Variants in SCLY observed in about 807,000 individuals in gnomAD.
SCLY encodes the protein putative selenocysteine lyase.
Under a neutral mutation model 50.1 loss-of-function variants are expected in SCLY, and 38 were observed. The ratio of observed to expected loss-of-function variants is 0.76; its 90% CI spans 0.59 to 0.99. The LOEUF (loss-of-function observed/expected upper bound fraction) is 0.99, where lower values mean the gene tolerates loss of function less well. Among genes scored for constraint, SCLY ranks in the 50% least tolerant of loss-of-function variants. The pLI, the probability that SCLY is intolerant of heterozygous loss-of-function variation, is 0.00. For missense variants in SCLY, 600 were observed against 620.0 expected (o/e 0.97, Z 0.34); for synonymous variants, 243 against 249.4 (o/e 0.97, Z 0.24).
Position 238,083,429 on chromosome 2 carries a change from A to C in SCLY, c.884+75A>C. On this transcript the variant is annotated intron_variant, in intron 7 of 11. Coordinates refer to ENST00000254663, the MANE Select transcript of SCLY (RefSeq NM_016510.7). The surrounding 1 kb of genome is among the most constrained non-coding windows in gnomAD (Gnocchi z 4.3). ...TAGAGCAGTGACATTGTAAAGAAAC[A>C]TGGCGCTGTTTCTTGGTCTCGTGGA... 1 of 1,126,500 alleles carries C rather than the reference A, an allele frequency of 8.9e-7. No homozygotes were observed. Among genetic ancestry groups the C allele is most frequent in the African/African-American group, 1.5e-5 (1 of 65,140 alleles). 69.8% of individuals were successfully genotyped at this position (1,126,500 alleles called of 1,614,324 possible).
Position 238,064,337 on chromosome 2 carries a change from C to G in SCLY, c.90-20C>G, listed in dbSNP as rs1182807961. 3.9e-6 allele frequency: 6 copies of G among 1,530,760 alleles called. No individual in the cohort carries two copies. The highest frequency in any genetic ancestry group is 5.3e-6 in the Non-Finnish European group (6 of 1,121,590). 94.8% of individuals were successfully genotyped at this position (1,530,760 alleles called of 1,614,324 possible). On this transcript the variant is annotated intron_variant, in intron 1 of 11. Coordinates refer to ENST00000254663, the MANE Select transcript of SCLY (RefSeq NM_016510.7). Reference sequence around the variant, plus strand: ...CCATCTCCTTTTCCTTAATGGGTGTCTTTGCTTTCTTTCCTTCAGGAAAGT... The same window carrying G: ...CCATCTCCTTTTCCTTAATGGGTGTGTTTGCTTTCTTTCCTTCAGGAAAGT...
chr2:238,085,013 A>G (rs2065278838), intron 7 of SCLY, among the ~76,000 whole-genome samples: 1 of 152,144 alleles, frequency 6.6e-6, no homozygotes, highest in Admixed American at 6.6e-5. Context: ...AGATTGAATA[A>G]GATCCAGGTT....
At chr2:238,064,234 T>C in intron 1 of SCLY, 123 bp from the exon 2 acceptor site, 1 of 528,364 alleles carries the variant, frequency 1.9e-6, no homozygotes, top group South Asian at 2.8e-5. Flanking sequence ...GCAGTGCTTA[T>C]GCAGAGGATC....
Position 238,093,929 on chromosome 2 carries a change from G to A in SCLY, c.990G>A (p.Leu330=), listed in dbSNP as rs2106455598. ...EAHMRDVRDY[L]EERLEAEFGQ... ...ACATGAGGGACGTCCGCGACTACCT[G>A]GAAGAGAGGCTGGAAGTGAGCGCAG... Residue 330 remains leucine, a synonymous_variant, in exon 9 of 12, where the codon CTG becomes CTA. Coordinates refer to ENST00000254663, the MANE Select transcript of SCLY (RefSeq NM_016510.7). The A allele has an allele frequency of 6.2e-7, 1 of 1,613,826 alleles. No homozygotes were observed.
chr2:238,065,364 G>A (rs995470257), intron 2 of SCLY, among the ~76,000 whole-genome samples: 5 of 152,126 alleles, frequency 3.3e-5, no homozygotes, highest in East Asian at 1.9e-4. Flanking sequence ...AATTTCTGAC[G>A]TATTAGACTT....
chr2:238,094,871 A>C (rs2065409928), intron 10 of SCLY: 1 of 244,458 alleles, frequency 4.1e-6, no homozygotes, highest in Non-Finnish European at 7.8e-6. Flanking sequence ...GTTTTAATTA[A>C]ATATTTGAGT....
Position 238,098,409 on chromosome 2 carries a change from G to A in SCLY, c.*54G>A. 1 of 1,520,252 alleles carries A rather than the reference G, an allele frequency of 6.6e-7. No homozygotes were observed. Among genetic ancestry groups the A allele is most frequent in the African/African-American group, 1.4e-5 (1 of 73,514 alleles). The allele number at this position is 1,520,252 out of a possible 1,614,324, so 94.2% of individuals were successfully genotyped here. ...CTGGGAAGCCCGTGGCAGGGCACAG[G>A]GTTGTCCCTCCAGTTCCCTCCTGAG... On this transcript the variant is annotated 3_prime_UTR_variant, in exon 12 of 12. Coordinates refer to ENST00000254663, the MANE Select transcript of SCLY (RefSeq NM_016510.7).
chr2:238,091,516 A>C, intron 8 of SCLY: 1 of 492,862 alleles, frequency 2.0e-6, no homozygotes, highest in African/African-American at 1.9e-5. Context: ...TGATACTGTT[A>C]CAGCAGAGGT....
chr2:238,085,905 T>A (rs1450731857), intron 7 of SCLY, among the ~76,000 whole-genome samples: 2 of 151,840 alleles, frequency 1.3e-5, no homozygotes, highest in Admixed American at 1.3e-4. Context: ...ACATACAGAA[T>A]CAAGAAACTG....
chr2:238,089,213 TTA>T, intron 7 of SCLY, among the ~76,000 whole-genome samples: 1 of 152,262 alleles, frequency 6.6e-6, no homozygotes. Flanking sequence ...TATAAAGGAC[TTA>T]TATGCTGAAA....
In SCLY at chr2:238,096,768, C is replaced by A. The variant is rs376593088; in HGVS notation, c.1109-33C>A. ...GACAGAAGGGCAACCTGGCTGGAGC[C>A]CCATCTCAGGGGCATGTGCTCTGTC... On this transcript the variant is annotated intron_variant, in intron 10 of 11. Coordinates refer to ENST00000254663, the MANE Select transcript of SCLY (RefSeq NM_016510.7). 1.2e-5 allele frequency: 19 copies of A among 1,589,472 alleles called. No homozygotes were observed. In the African/African-American group the frequency reaches 2.0e-4, roughly 17 times the overall value.
At chr2:238,090,548 G>T (rs1264325953) in intron 7 of SCLY, among the ~76,000 whole-genome samples, 1 of 152,182 alleles carries the variant, frequency 6.6e-6, no homozygotes, top group East Asian at 1.9e-4. Context: ...GCTGAGGCAG[G>T]AGAATCACTT....
Position 238,098,663 on chromosome 2 carries a change from A to AACGCCCACATGGGAACGCCCACATGGG in SCLY, c.*310_*311insGCCCACATGGGAACGCCCACATGGGAC, listed in dbSNP as rs1691356999. 4.3e-5 allele frequency: 5 copies of AACGCCCACATGGGAACGCCCACATGGG among 115,482 alleles called. No individual in the cohort carries two copies. The highest frequency in any genetic ancestry group is 2.7e-4 in the African/African-American group (4 of 14,748). The allele number at this position is 115,482 out of a possible 1,614,324, so 7.2% of individuals were successfully genotyped here. A position where few individuals can be genotyped will look rare whatever the true frequency, so the allele number is the denominator to read the frequency against. ...CGCCCACATGGGACCGCCCACATAG[A>AACGCCCACATGGGAACGCCCACATGGG]ACCGTCCTCCAGTGGTGAAGCGGAA... is the stretch of plus-strand genomic sequence containing the variant. On this transcript the variant is annotated 3_prime_UTR_variant, in exon 12 of 12. Coordinates refer to ENST00000254663, the MANE Select transcript of SCLY (RefSeq NM_016510.7).
intron 3 of SCLY, among the ~76,000 whole-genome samples, chr2:238,068,992 T>C (rs758533823): frequency 6.6e-6 from 1 of 152,226 alleles, no homozygotes; most frequent in African/African-American, 2.4e-5. Flanking sequence ...ATGGCAGATT[T>C]ATAAAATTTA....
rs776365634 is a variant in SCLY at position 238,098,194 on chromosome 2, C to T, written c.1185-8C>T. The T allele has an allele frequency of 6.2e-7, 1 of 1,608,488 alleles. No individual in the cohort carries two copies. The highest frequency in any genetic ancestry group is 1.1e-5 in the South Asian group (1 of 90,894). On this transcript the variant is annotated splice_region_variant and splice_polypyrimidine_tract_variant and intron_variant, in intron 11 of 11. Coordinates refer to ENST00000254663, the MANE Select transcript of SCLY (RefSeq NM_016510.7). ...GCAGCAGCTGCAGCTCGGTCTCGCC[C>T]TCCCCAGGCCGTCCCCAGTGCTGCT...
rs1253880655 is a variant in SCLY at position 238,083,624 on chromosome 2, G to A, written c.884+270G>A. On this transcript the variant is annotated intron_variant, in intron 7 of 11. Coordinates refer to ENST00000254663, the MANE Select transcript of SCLY (RefSeq NM_016510.7). The surrounding 1 kb of genome is among the most constrained non-coding windows in gnomAD (Gnocchi z 4.3). ...GCATCCAATTCCCCTTGTAATTTTG[G>A]CCCAGCCCACTGAAGAGAACTGTTG... is the stretch of plus-strand genomic sequence containing the variant. Among the ~76,000 whole-genome samples, 1 of 152,132 alleles carries A rather than the reference G, an allele frequency of 6.6e-6. No homozygotes were observed. The highest frequency in any genetic ancestry group is 2.4e-5 in the African/African-American group (1 of 41,412).
intron 4 of SCLY, among the ~76,000 whole-genome samples, chr2:238,072,712 T>C (rs1429714645): frequency 6.6e-6 from 1 of 152,224 alleles, no homozygotes; most frequent in East Asian, 1.9e-4. Flanking sequence ...AAGTCCTTGC[T>C]CCTATTTTAA....
At chr2:238,061,915 T>G (rs182049142) in intron 1 of SCLY, among the ~76,000 whole-genome samples, 196 of 152,304 alleles carry the variant, frequency 1.3e-3, no homozygotes, top group Non-Finnish European at 2.4e-3. Context: ...CTCTTTTTCC[T>G]TTTTGTGAGC....
At chr2:238,074,763 C>T (rs752715789) in intron 4 of SCLY, among the ~76,000 whole-genome samples, 50 of 152,246 alleles carry the variant, frequency 3.3e-4, no homozygotes, top group Non-Finnish European at 4.4e-4. Flanking sequence ...GGATTATAGG[C>T]GTGAGCCACC....
Sources: allele counts gnomAD v4.1 joint callset (sites outside exome capture counted in the v4.1 genomes callset), GRCh38; gene constraint gnomAD v4.1.1; non-coding constraint Gnocchi (gnomAD v3.1); transcripts MANE v1.5; gene names NCBI Gene and HGNC (gene_info 2026-07-23, HGNC 2026-07-21).